The following MTFR2 variants were observed in gnomAD, a reference collection of about 807,000 sequenced individuals.
The protein encoded by MTFR2 is DUF729 domain-containing protein 1.
MTFR2 carries 44 observed loss-of-function variants against 41.2 expected under a neutral mutation model. The ratio of observed to expected loss-of-function variants is 1.07; its 90% CI spans 0.84 to 1.37. The LOEUF is 1.37. Among genes scored for constraint, MTFR2 ranks in the 40% most tolerant of loss-of-function variants. The probability of loss-of-function intolerance (pLI) is 0.00; values close to 1 mark genes in which losing one functional copy is unlikely to be tolerated. For synonymous variants in MTFR2, 141 were observed against 154.6 expected (o/e 0.91, Z 0.65); for missense variants, 452 against 459.5 (o/e 0.98, Z 0.15).
chr6:136,233,870 C>T (rs947014979), intron 6 of MTFR2, among the ~76,000 whole-genome samples: 1 of 151,806 alleles, frequency 6.6e-6, no homozygotes, highest in Non-Finnish European at 1.5e-5. Context: ...AAAAATTACG[C>T]AAATTGTTCA....
chr6:136,244,123 A>G (rs554153705), intron 3 of MTFR2, among the ~76,000 whole-genome samples: 10 of 152,292 alleles, frequency 6.6e-5, no homozygotes, highest in African/African-American at 2.4e-4. Context: ...AGCTAAGGTT[A>G]ATGTATTATT....
At chr6:136,246,724 A>G (rs571916407) in intron 2 of MTFR2, among the ~76,000 whole-genome samples, 56 of 152,296 alleles carry the variant, frequency 3.7e-4, no homozygotes, top group South Asian at 3.1e-3. Flanking sequence ...AAAATGGTTC[A>G]TTCTTTTGAT....
chr6:136,233,114 T>C (rs1402684694), intron 7 of MTFR2: 1 of 409,540 alleles, frequency 2.4e-6, no homozygotes, highest in Non-Finnish European at 4.4e-6. Context: ...AAATTAAGTA[T>C]TTTATTTCAA....
chr6:136,241,047 T>G (rs56820050), intron 5 of MTFR2, among the ~76,000 whole-genome samples: 1 of 147,278 alleles, frequency 6.8e-6, no homozygotes, highest in South Asian at 2.1e-4. Context: ...GCCAAGATCG[T>G]GCCACTGCAC....
At chr6:136,232,537 C>T (rs572168273) in intron 7 of MTFR2, among the ~76,000 whole-genome samples, 3 of 152,206 alleles carry the variant, frequency 2.0e-5, no homozygotes, top group African/African-American at 4.8e-5. Context: ...CTGGGATGAC[C>T]ACGCCCGGCC....
intron 7 of MTFR2, 51 bp downstream of exon 7, chr6:136,233,274 C>A (rs146060283): frequency 1.4e-5 from 21 of 1,513,188 alleles, no homozygotes; most frequent in Non-Finnish European, 1.9e-5. Context: ...GTAACATAAA[C>A]AACACATCTG....
intron 6 of MTFR2, among the ~76,000 whole-genome samples, chr6:136,239,191 A>G (rs1041685928): frequency 6.6e-6 from 1 of 152,202 alleles, no homozygotes; most frequent in South Asian, 2.1e-4. Flanking sequence ...TAGAGTATCT[A>G]AGAAAATATA....
intron 7 of MTFR2, 143 bp downstream of exon 7, chr6:136,233,182 C>A (rs562208750): frequency 8.5e-5 from 50 of 586,416 alleles, no homozygotes; most frequent in Non-Finnish European, 8.2e-5. Context: ...AACAAAAAAA[C>A]CCCAGAAACA....
At chr6:136,245,749 A>T (rs1157622576) in intron 2 of MTFR2, among the ~76,000 whole-genome samples, 1 of 152,214 alleles carries the variant, frequency 6.6e-6, no homozygotes, top group African/African-American at 2.4e-5. Context: ...TTGTGGTGTC[A>T]TGCTGGCACT....
chr6:136,238,848 CTT>C (rs1779973920), intron 6 of MTFR2, among the ~76,000 whole-genome samples: 1 of 152,024 alleles, frequency 6.6e-6, no homozygotes, highest in African/African-American at 2.4e-5. Context: ...GGGCAGATCG[CTT>C]GAGCTCAGGA....
chr6:136,248,964 C>T, intron 2 of MTFR2, 73 bp downstream of exon 2: 1 of 1,331,150 alleles, frequency 7.5e-7, no homozygotes, highest in South Asian at 1.3e-5. Flanking sequence ...CAAATGATTA[C>T]ATATAAGTCA....
intron 2 of MTFR2, among the ~76,000 whole-genome samples, chr6:136,248,160 G>A (rs986634007): frequency 1.3e-5 from 2 of 151,988 alleles, no homozygotes; most frequent in Admixed American, 6.6e-5. Context: ...TATCTTTATT[G>A]TTTCTTATTC....
chr6:136,233,432 T>C lies in MTFR2; in HGVS notation c.937A>G (p.Ile313Val). The change falls in exon 7 of 8, where the codon ATA (isoleucine) becomes GTA (valine). Residue 313 changes from isoleucine (I) to valine (V), a missense_variant. Physicochemically the swap from Ile to Val is conservative, Grantham distance 29. Coordinates refer to ENST00000420702, the MANE Select transcript of MTFR2 (RefSeq NM_001099286.3). ...QNSHWDPVSL[I>V]SHALKQKFAF... The stretch of plus-strand genomic sequence containing the variant: ...AATTTCTGTTTAAGTGCATGAGATA[T>C]TAAAGAAACTGGATCCCAATGTGAA... The C allele has an allele frequency of 6.2e-7, 1 of 1,600,144 alleles. No homozygotes were observed. The highest frequency in any genetic ancestry group is 8.5e-7 in the Non-Finnish European group (1 of 1,170,348).
intron 2 of MTFR2, chr6:136,247,496 G>C (rs1340539588): frequency 4.4e-6 from 2 of 456,152 alleles, no homozygotes; most frequent in South Asian, 3.1e-5. Context: ...CTCTCATGTG[G>C]ATCTTAAATT....
At chr6:136,231,551 C>A (rs895203515) in intron 7 of MTFR2, among the ~76,000 whole-genome samples, 163 bp from the exon 8 acceptor site, 1 of 151,292 alleles carries the variant, frequency 6.6e-6, no homozygotes, top group Non-Finnish European at 1.5e-5. Context: ...TCAGGTACTA[C>A]GCTCAGAGCC....
chr6:136,241,702 G>A, intron 4 of MTFR2, 26 bp from the exon 5 acceptor site: 1 of 1,532,766 alleles, frequency 6.5e-7, no homozygotes, highest in Non-Finnish European at 9.0e-7. Context: ...AATAGGAAAT[G>A]GAGGGAAGAT....
At position 136,241,685 on chromosome 6, in the gene MTFR2, GA is replaced by G. The variant is rs752118648; in HGVS notation, c.282-10del. ...TTTTCCATATACTATTTCTGTGGGT[GA>G]AAAAAAATAGGAAATGGAGGGAAGA... On this transcript the variant is annotated splice_polypyrimidine_tract_variant and intron_variant, in intron 4 of 7. Coordinates refer to ENST00000420702, the MANE Select transcript of MTFR2 (RefSeq NM_001099286.3). 6.4e-5 allele frequency: 101 copies of G among 1,572,644 alleles called. No homozygotes were observed. Among genetic ancestry groups the G allele is most frequent in the Admixed American group, 2.0e-4 (11 of 53,762 alleles).
At chr6:136,232,379 T>C (rs775741984) in intron 7 of MTFR2, among the ~76,000 whole-genome samples, 8 of 152,094 alleles carry the variant, frequency 5.3e-5, no homozygotes, top group Non-Finnish European at 1.2e-4. Flanking sequence ...CTCAGCCTCC[T>C]GAGTAGCTGG....
At chr6:136,243,546 G>C (rs982029353) in intron 3 of MTFR2, among the ~76,000 whole-genome samples, 1 of 151,562 alleles carries the variant, frequency 6.6e-6, no homozygotes, top group Non-Finnish European at 1.5e-5. Context: ...GTCTCTACCA[G>C]ACCAAAAAAA....
Sources: allele counts gnomAD v4.1 joint callset (sites outside exome capture counted in the v4.1 genomes callset), GRCh38; gene constraint gnomAD v4.1.1; transcripts MANE v1.5; gene names NCBI Gene and HGNC (gene_info 2026-07-23, HGNC 2026-07-21).